CCDC3: variants seen among roughly 807,000 people sequenced by gnomAD.
The protein encoded by CCDC3 is coiled-coil domain-containing protein 3.
A neutral mutation model predicts 21.4 loss-of-function variants in CCDC3; 24 were observed. The ratio of observed to expected loss-of-function variants is 1.12; its 90% CI spans 0.81 to 1.58. The LOEUF is 1.58. Among genes scored for constraint, CCDC3 ranks in the 40% most tolerant of loss-of-function variants. The pLI is 0.00. For synonymous variants in CCDC3, 186 were observed against 166.0 expected, an observed-to-expected ratio of 1.12 and a Z score of -0.93; for missense variants, 425 against 360.9, an observed-to-expected ratio of 1.18 and a Z score of -1.44.
intron 2 of CCDC3, among the ~76,000 whole-genome samples, chr10:12,943,281 C>T (rs281847): frequency 0.36 from 55,256 of 151,960 alleles, 10,378 homozygotes; most frequent in Admixed American, 0.45. Context: ...AGCACCCCCC[C>T]GCAAACGACT....
At chr10:12,934,607 G>C (rs974810662) in intron 2 of CCDC3, among the ~76,000 whole-genome samples, 2 of 152,038 alleles carry the variant, frequency 1.3e-5, no homozygotes, top group African/African-American at 4.8e-5. Flanking sequence ...ATCAGTTTTT[G>C]CCTCATATTT....
At chr10:13,018,988 C>T (rs897154142) in intron 5 of CCDC3, among the ~76,000 whole-genome samples, 12 of 151,940 alleles carry the variant, frequency 7.9e-5, no homozygotes, top group African/African-American at 2.2e-4. Context: ...AATCCCAGCA[C>T]TTTGGGAGGC....
intron 2 of CCDC3, among the ~76,000 whole-genome samples, chr10:12,977,193 T>C (rs1169257489): frequency 7.2e-5 from 11 of 152,168 alleles, no homozygotes; most frequent in Admixed American, 7.2e-4. Flanking sequence ...GAGAATCGCT[T>C]GAACCTGGGA....
At chr10:13,052,937 GTCACACACACACACACAC>G (rs1399364369) in intron 4 of CCDC3, among the ~76,000 whole-genome samples, 3 of 108,504 alleles carry the variant, frequency 2.8e-5, no homozygotes, top group Non-Finnish European at 5.7e-5. Flanking sequence ...TTGAGACTCT[GTCACACACACACACACAC>G]ACACACACAC....
At chr10:12,920,356 T>C (rs1441388260) in intron 2 of CCDC3, among the ~76,000 whole-genome samples, 1 of 152,144 alleles carries the variant, frequency 6.6e-6, no homozygotes, top group Non-Finnish European at 1.5e-5. Flanking sequence ...ATGTACGAAT[T>C]GTGGCAGTAC....
chr10:12,961,370 AACTC>A (rs1202054427), intron 2 of CCDC3, among the ~76,000 whole-genome samples: 2 of 152,230 alleles, frequency 1.3e-5, no homozygotes, highest in Non-Finnish European at 2.9e-5. Context: ...CAGGTGGGTC[AACTC>A]ATTGCTGAAG....
intron 2 of CCDC3, among the ~76,000 whole-genome samples, chr10:12,995,725 G>A (rs1321527255): frequency 6.6e-6 from 1 of 152,122 alleles, no homozygotes; most frequent in African/African-American, 2.4e-5. Flanking sequence ...CTTTTTCTCT[G>A]AGCCTGGAAT....
chr10:13,094,274 AT>A (rs1693863105), intron 3 of CCDC3, among the ~76,000 whole-genome samples: 1 of 151,574 alleles, frequency 6.6e-6, no homozygotes, highest in Non-Finnish European at 1.5e-5. Context: ...GATGATGATG[AT>A]GATGATGATG....
At chr10:12,947,944 C>T (rs1431676814) in intron 2 of CCDC3, among the ~76,000 whole-genome samples, 1 of 152,182 alleles carries the variant, frequency 6.6e-6, no homozygotes, top group East Asian at 1.9e-4. Flanking sequence ...AGATGTCTCA[C>T]CTATTAAGTG....
intron 4 of CCDC3, among the ~76,000 whole-genome samples, chr10:13,051,551 G>T (rs1836608034): frequency 6.6e-6 from 1 of 152,188 alleles, no homozygotes; most frequent in South Asian, 2.1e-4. Flanking sequence ...TATTACTATT[G>T]TAACAGAAGA....
intron 3 of CCDC3, among the ~76,000 whole-genome samples, chr10:13,085,120 T>G (rs1401997632): frequency 6.6e-6 from 1 of 152,170 alleles, no homozygotes; most frequent in Non-Finnish European, 1.5e-5. Context: ...CAGAAAGTGT[T>G]CTGGCTTCCA....
chr10:13,087,978 A>C (rs1403590564), intron 3 of CCDC3, among the ~76,000 whole-genome samples: 2 of 152,212 alleles, frequency 1.3e-5, no homozygotes, highest in African/African-American at 2.4e-5. Flanking sequence ...GGATTCCACT[A>C]GTTGGTAAAA....
chr10:12,920,257 T>A (rs902157915), intron 2 of CCDC3, among the ~76,000 whole-genome samples: 1 of 152,082 alleles, frequency 6.6e-6, no homozygotes, highest in Admixed American at 6.6e-5. Context: ...AGCCATCAGA[T>A]CTCATGAGAC....
At chr10:12,937,289 G>A (rs1246557456) in intron 2 of CCDC3, among the ~76,000 whole-genome samples, 1 of 152,068 alleles carries the variant, frequency 6.6e-6, no homozygotes. Context: ...CCCCTTACAG[G>A]CTGCACTGGA....
intron 2 of CCDC3, among the ~76,000 whole-genome samples, chr10:12,901,311 C>T (rs1043950752): frequency 1.3e-5 from 2 of 152,120 alleles, no homozygotes; most frequent in African/African-American, 4.8e-5. Flanking sequence ...GCTGTGTCGC[C>T]AGGCTGGAGT....
chr10:12,915,834 T>C (rs766135053), intron 2 of CCDC3, among the ~76,000 whole-genome samples: 2 of 152,196 alleles, frequency 1.3e-5, no homozygotes, highest in Non-Finnish European at 2.9e-5. Flanking sequence ...CTGTAGGTCT[T>C]GGCCAGGCAC....
intron 3 of CCDC3, among the ~76,000 whole-genome samples, chr10:13,077,793 A>G (rs1024018703): frequency 6.6e-6 from 1 of 152,226 alleles, no homozygotes; most frequent in African/African-American, 2.4e-5. Context: ...TGCTGGGAAA[A>G]CTGGCTAGCC....
intron 2 of CCDC3, among the ~76,000 whole-genome samples, chr10:12,948,694 A>G (rs1834960516): frequency 6.7e-6 from 1 of 148,560 alleles, no homozygotes; most frequent in African/African-American, 2.5e-5. Context: ...GAAGACGAAA[A>G]GGGGTAAAAA....
chr10:13,024,225 A>AT (rs1281131787), intron 5 of CCDC3, among the ~76,000 whole-genome samples: 3 of 149,590 alleles, frequency 2.0e-5, no homozygotes, highest in Admixed American at 6.7e-5. Context: ...CTCTTTCCTT[A>AT]GTTTTTTTTT....
Sources: gnomAD v4.1 joint callset for allele counts (sites outside exome capture counted in the v4.1 genomes callset) on GRCh38, gnomAD v4.1.1 for gene constraint, MANE v1.5 for transcripts, NCBI Gene and HGNC (gene_info 2026-07-23, HGNC 2026-07-21) for gene names.